The following GRID2 variants were observed in gnomAD, a reference collection of about 807,000 sequenced individuals.
GRID2 encodes the protein glutamate receptor ionotropic, delta-2.
A neutral mutation model predicts 114.8 loss-of-function variants in GRID2; 33 were observed. The ratio of observed to expected loss-of-function variants is 0.29; its 90% CI spans 0.22 to 0.38. The LOEUF is 0.38. Among genes scored for constraint, GRID2 ranks in the 10% least tolerant of loss-of-function variants. The pLI is 1.00. For missense variants in GRID2, 1,184 were observed against 1,257.7 expected, an observed-to-expected ratio of 0.94 and a Z score of 0.89; for synonymous variants, 505 against 449.9, an observed-to-expected ratio of 1.12 and a Z score of -1.55.
intron 1 of GRID2, among the ~76,000 whole-genome samples, chr4:92,468,198 G>C (rs768072533): frequency 5.9e-5 from 9 of 151,932 alleles, no homozygotes; most frequent in Non-Finnish European, 1.0e-4. Context: ...ATTTTCAAGT[G>C]GTTATCATGT....
rs1289876527 is a variant in GRID2 at position 93,482,606 on chromosome 4, A to G, written c.1859-8033A>G. 3.3e-5 allele frequency among the ~76,000 whole-genome samples: 5 copies of G among 151,830 alleles called. No homozygotes were observed. The East Asian group carries it at 9.7e-4, about 29-fold the overall frequency. ...GGATGAGGGGCTTAAAACCTAAATG[A>G]CGGGTTGATGTTTACAGCAAACCAC... On this transcript the variant is annotated intron_variant, in intron 11 of 15. Coordinates refer to ENST00000282020, the MANE Select transcript of GRID2 (RefSeq NM_001510.4).
chr4:93,758,939 T>C (rs991487032), intron 14 of GRID2, among the ~76,000 whole-genome samples: 1 of 152,002 alleles, frequency 6.6e-6, no homozygotes, highest in African/African-American at 2.4e-5. Context: ...TTTTAAAAGA[T>C]CACCAAAAGC....
chr4:93,783,502 T>A (rs1734523504), intron 1 of GRID2, among the ~76,000 whole-genome samples: 2 of 152,148 alleles, frequency 1.3e-5, no homozygotes, highest in African/African-American at 2.4e-5. Flanking sequence ...AATTGACTAG[T>A]CCTCAGTAGC....
chr4:93,509,887 T>C (rs943026891), intron 12 of GRID2, among the ~76,000 whole-genome samples: 6 of 152,208 alleles, frequency 3.9e-5, no homozygotes, highest in African/African-American at 7.2e-5. Context: ...CCGCACTTCA[T>C]AGGACAGCTC....
intron 8 of GRID2, among the ~76,000 whole-genome samples, chr4:93,348,522 C>T (rs1760467740): frequency 6.6e-6 from 1 of 152,076 alleles, no homozygotes; most frequent in Non-Finnish European, 1.5e-5. Flanking sequence ...ATAACTAATC[C>T]TGCGGGGCTC....
intron 14 of GRID2, among the ~76,000 whole-genome samples, chr4:93,652,381 C>T (rs988077133): frequency 6.6e-6 from 1 of 151,958 alleles, no homozygotes; most frequent in African/African-American, 2.4e-5. Context: ...ACGTTTTGGT[C>T]GATGACAGAC....
chr4:93,790,925 A>G (rs1273347205), intron 1 of GRID2, among the ~76,000 whole-genome samples: 1 of 152,224 alleles, frequency 6.6e-6, no homozygotes, highest in Non-Finnish European at 1.5e-5. Flanking sequence ...AAAGGATTTA[A>G]TGCTTTAATA....
chr4:93,408,514 C>T (rs2149349089), intron 9 of GRID2, among the ~76,000 whole-genome samples: 1 of 152,060 alleles, frequency 6.6e-6, no homozygotes, highest in Non-Finnish European at 1.5e-5. Flanking sequence ...TAAAAATATG[C>T]ATCTTTATAT....
intron 5 of GRID2, among the ~76,000 whole-genome samples, chr4:93,212,883 C>T (rs1486027232): frequency 2.6e-5 from 4 of 151,918 alleles, no homozygotes; most frequent in Admixed American, 1.3e-4. Flanking sequence ...AGCGATTGTC[C>T]TGCCTCAGTC....
At chr4:93,472,286 G>A (rs565944539) in intron 11 of GRID2, among the ~76,000 whole-genome samples, 2 of 151,974 alleles carry the variant, frequency 1.3e-5, no homozygotes, top group African/African-American at 4.8e-5. Flanking sequence ...TCACGCCATT[G>A]CACTCTAACC....
chr4:93,444,371 G>A (rs1721898670), intron 10 of GRID2, among the ~76,000 whole-genome samples: 1 of 151,846 alleles, frequency 6.6e-6, no homozygotes, highest in South Asian at 2.1e-4. Context: ...AATAGCACGT[G>A]GTTTCTGAGA....
At chr4:92,526,679 T>C (rs1725061534) in intron 1 of GRID2, among the ~76,000 whole-genome samples, 1 of 151,984 alleles carries the variant, frequency 6.6e-6, no homozygotes, top group African/African-American at 2.4e-5. Context: ...ATGTAAGCCT[T>C]AAGTTAGGTC....
At chr4:93,590,865 T>G (rs1338404843) in intron 13 of GRID2, among the ~76,000 whole-genome samples, 1 of 149,844 alleles carries the variant, frequency 6.7e-6, no homozygotes, top group Non-Finnish European at 1.5e-5. Context: ...TTGTCTGTTG[T>G]TGGTGTATAG....
chr4:93,644,361 A>AT (rs150615035), intron 14 of GRID2, among the ~76,000 whole-genome samples: 5,522 of 121,018 alleles, frequency 0.046, 226 homozygotes, highest in Middle Eastern at 0.089. Flanking sequence ...TCTTAATGAT[A>AT]TTTTTACCAA....
chr4:92,711,447 G>A (rs1313450516), intron 2 of GRID2, among the ~76,000 whole-genome samples: 1 of 152,106 alleles, frequency 6.6e-6, no homozygotes, highest in Admixed American at 6.6e-5. Context: ...CCCAGTTTTT[G>A]TTGGTTGTCA....
chr4:93,707,055 C>T (rs1405910460), intron 14 of GRID2, among the ~76,000 whole-genome samples: 1 of 152,022 alleles, frequency 6.6e-6, no homozygotes, highest in African/African-American at 2.4e-5. Flanking sequence ...GAATATATCC[C>T]ACTTGGTCAT....
chr4:92,949,082 C>T (rs551362059), intron 2 of GRID2, among the ~76,000 whole-genome samples: 2 of 150,878 alleles, frequency 1.3e-5, no homozygotes, highest in East Asian at 3.9e-4. Flanking sequence ...TACAAGAAGA[C>T]AACCAAAAAA....
In GRID2 at chr4:93,045,788, C is replaced by T. The variant is rs558904808; in HGVS notation, c.245-39207C>T. ...TTGATAATACGAAACTTTATTCTCT[C>T]ACACTTACTTTTCCCACTGTGTGTG... On this transcript the variant is annotated intron_variant, in intron 2 of 15. Coordinates refer to ENST00000282020, the MANE Select transcript of GRID2 (RefSeq NM_001510.4). 4.6e-5 allele frequency among the ~76,000 whole-genome samples: 7 copies of T among 152,240 alleles called. No individual in the cohort carries two copies. The South Asian group carries it at 1.5e-3, about 32-fold the overall frequency.
At chr4:92,340,203 G>A (rs185788883) in intron 1 of GRID2, among the ~76,000 whole-genome samples, 3 of 151,562 alleles carry the variant, frequency 2.0e-5, no homozygotes, top group South Asian at 2.1e-4. Context: ...TTTCTATTTC[G>A]CTCTCCCACC....
Sources: allele counts gnomAD v4.1 joint callset (sites outside exome capture counted in the v4.1 genomes callset), GRCh38; gene constraint gnomAD v4.1.1; transcripts MANE v1.5; gene names NCBI Gene and HGNC (gene_info 2026-07-23, HGNC 2026-07-21).